NRCAM: variants seen among roughly 807,000 people sequenced by gnomAD.
The protein encoded by NRCAM is neuronal cell adhesion molecule.
A neutral mutation model predicts 156.5 loss-of-function variants in NRCAM; 83 were observed. That is an observed-to-expected ratio of 0.53 (90% CI 0.44 to 0.64). The LOEUF is 0.64. NRCAM is among the 30% of genes least tolerant of loss of function. The probability of loss-of-function intolerance (pLI) is 0.00; values close to 1 mark genes in which losing one functional copy is unlikely to be tolerated. For missense variants in NRCAM, 1,417 were observed against 1,597.3 expected (o/e 0.89, Z 1.92); for synonymous variants, 538 against 563.9 (o/e 0.95, Z 0.65).
At chr7:108,364,811 C>T (rs1466718377) in intron 2 of NRCAM, among the ~76,000 whole-genome samples, 1 of 107,560 alleles carries the variant, frequency 9.3e-6, no homozygotes, top group African/African-American at 3.7e-5. Flanking sequence ...CATAAGGTAG[C>T]TTAGTGGTTG....
intron 1 of NRCAM, among the ~76,000 whole-genome samples, chr7:108,415,938 C>T (rs993483751): frequency 6.6e-6 from 1 of 152,200 alleles, no homozygotes; most frequent in Non-Finnish European, 1.5e-5. Context: ...CCGTGGTTTC[C>T]ACATGGTTGC....
intron 2 of NRCAM, among the ~76,000 whole-genome samples, chr7:108,360,564 T>C (rs1367032171): frequency 2.0e-5 from 3 of 152,182 alleles, no homozygotes; most frequent in African/African-American, 7.2e-5. Context: ...CAGAACAAAG[T>C]TGAAGAATTC....
In NRCAM at chr7:108,323,285, C is replaced by T. The variant is rs190245260; in HGVS notation, c.-173-10554G>A. On this transcript the variant is annotated intron_variant, in intron 2 of 32. Coordinates refer to ENST00000379028, the MANE Select transcript of NRCAM (RefSeq NM_001037132.4). ...AATTCCTTTGCTTTGAAAATCGTTA[C>T]TTTGGAAGCAAAGCAACCAATTTCT... 1.6e-3 allele frequency among the ~76,000 whole-genome samples: 243 copies of T among 152,312 alleles called. 1 individual carries two copies. The highest frequency in any genetic ancestry group is 5.1e-3 in the African/African-American group (213 of 41,576).
intron 25 of NRCAM, among the ~76,000 whole-genome samples, chr7:108,179,189 G>A (rs780016789): frequency 6.6e-6 from 1 of 152,150 alleles, no homozygotes; most frequent in Non-Finnish European, 1.5e-5. Context: ...ATTTTAGGAG[G>A]CTCATGGAGC....
intron 2 of NRCAM, among the ~76,000 whole-genome samples, chr7:108,333,550 G>C (rs1047878322): frequency 2.0e-5 from 3 of 152,042 alleles, no homozygotes. Context: ...TCTATCACCT[G>C]TTCTTAGAAA....
At chr7:108,302,683 T>A (rs1239574652) in intron 3 of NRCAM, among the ~76,000 whole-genome samples, 2 of 152,166 alleles carry the variant, frequency 1.3e-5, no homozygotes, top group African/African-American at 4.8e-5. Context: ...AGTTTTGGGA[T>A]CTCAGTACAA....
intron 14 of NRCAM, among the ~76,000 whole-genome samples, chr7:108,196,300 T>C (rs76666119): frequency 1.0e-3 from 154 of 152,114 alleles, no homozygotes; most frequent in Admixed American, 2.9e-3. Context: ...GCTGAATAAA[T>C]GGAACCACAG....
intron 11 of NRCAM, among the ~76,000 whole-genome samples, chr7:108,217,944 C>T (rs953666747): frequency 2.0e-5 from 3 of 152,020 alleles, no homozygotes; most frequent in Non-Finnish European, 2.9e-5. Context: ...GTCTCACTGG[C>T]GTTCCAGGCA....
chr7:108,391,091 G>A (rs2099758280), intron 2 of NRCAM, among the ~76,000 whole-genome samples: 1 of 152,186 alleles, frequency 6.6e-6, no homozygotes, highest in African/African-American at 2.4e-5. Flanking sequence ...TATTAGGTCT[G>A]CTTGGTGCAG....
intron 2 of NRCAM, among the ~76,000 whole-genome samples, chr7:108,344,984 A>G (rs953609610): frequency 9.9e-5 from 15 of 152,242 alleles, no homozygotes; most frequent in African/African-American, 2.9e-4. Context: ...GACTCTATCA[A>G]TAGAATAGGA....
chr7:108,318,739 G>A (rs1056188345), intron 2 of NRCAM, among the ~76,000 whole-genome samples: 1 of 152,132 alleles, frequency 6.6e-6, no homozygotes, highest in Non-Finnish European at 1.5e-5. Context: ...TTTCATTCAC[G>A]GGTGAGCAGA....
chr7:108,272,527 T>A (rs1458314913), intron 3 of NRCAM, among the ~76,000 whole-genome samples: 1 of 152,178 alleles, frequency 6.6e-6, no homozygotes, highest in African/African-American at 2.4e-5. Context: ...ACTGAAGAGT[T>A]ACTAATATGT....
At chr7:108,191,513 A>T (rs111537687) in intron 18 of NRCAM, among the ~76,000 whole-genome samples, 1,674 of 152,314 alleles carry the variant, frequency 0.011, 35 homozygotes, top group African/African-American at 0.038. Flanking sequence ...AAAGGTTACT[A>T]ATGTGCATAT....
chr7:108,241,151 C>A (rs1433949839), intron 3 of NRCAM, among the ~76,000 whole-genome samples: 1 of 152,182 alleles, frequency 6.6e-6, no homozygotes, highest in East Asian at 1.9e-4. Flanking sequence ...TTGTTGTAAA[C>A]ATCACATACA....
chr7:108,273,388 T>A (rs959457021), intron 3 of NRCAM, among the ~76,000 whole-genome samples: 2 of 152,238 alleles, frequency 1.3e-5, no homozygotes, highest in Admixed American at 1.3e-4. Context: ...TTCCTATTTC[T>A]CTACATCCTC....
intron 3 of NRCAM, among the ~76,000 whole-genome samples, chr7:108,284,280 C>T (rs1202984858): frequency 6.6e-6 from 1 of 152,170 alleles, no homozygotes; most frequent in Non-Finnish European, 1.5e-5. Flanking sequence ...CTCCTGTCTC[C>T]TCCTTCTCCC....
In NRCAM at chr7:108,237,664, T is replaced by C. The variant is rs1049659315; in HGVS notation, c.124+88A>G. 6.3e-6 allele frequency: 6 copies of C among 953,100 alleles called. No homozygotes were observed. The South Asian group carries it at 6.7e-5, about 11-fold the overall frequency. 59.0% of individuals were successfully genotyped at this position (953,100 alleles called of 1,614,324 possible). On this transcript the variant is annotated intron_variant, in intron 5 of 32. Transcript: ENST00000379028. ...AAGACAAAGGTCACAAAACATGAAA[T>C]TGTGCATTTAAATCACAATATTAAT...
chr7:108,170,717 G>A (rs942717281), intron 28 of NRCAM, among the ~76,000 whole-genome samples: 3 of 152,198 alleles, frequency 2.0e-5, no homozygotes, highest in Non-Finnish European at 4.4e-5. Context: ...ACGGGCATAT[G>A]TTCTCAACCT....
intron 15 of NRCAM, among the ~76,000 whole-genome samples, chr7:108,195,490 G>C (rs2074484883): frequency 1.3e-5 from 2 of 151,774 alleles, no homozygotes; most frequent in African/African-American, 4.8e-5. Context: ...GTGGTAGGCG[G>C]CTGTAGGCCC....
Sources: gnomAD v4.1 joint callset for allele counts (sites outside exome capture counted in the v4.1 genomes callset) on GRCh38, gnomAD v4.1.1 for gene constraint, MANE v1.5 for transcripts, NCBI Gene and HGNC (gene_info 2026-07-23, HGNC 2026-07-21) for gene names.